The following THSD7B variants were observed in gnomAD, a reference collection of about 807,000 sequenced individuals.
The protein encoded by THSD7B is thrombospondin type 1 domain containing 7B, also known as thrombospondin type-1 domain-containing protein 7B.
THSD7B carries 138 observed loss-of-function variants against 213.6 expected under a neutral mutation model. That is an observed-to-expected ratio of 0.65 (90% CI 0.56 to 0.74). THSD7B has a LOEUF of 0.74. Ranked by LOEUF, THSD7B falls within the 30% of genes least tolerant of loss-of-function variation. THSD7B has a pLI of 0.00. For missense variants in THSD7B, 1,931 were observed against 1,991.5 expected (o/e 0.97, Z 0.58); for synonymous variants, 742 against 687.0 (o/e 1.08, Z -1.25).
At chr2:136,842,307 A>G (rs557930185) in intron 1 of THSD7B, among the ~76,000 whole-genome samples, 3 of 152,348 alleles carry the variant, frequency 2.0e-5, no homozygotes, top group African/African-American at 4.8e-5. Flanking sequence ...AAGTACTAAC[A>G]GTGTGAAACA....
chr2:137,114,071 A>T (rs1350501218), intron 4 of THSD7B, among the ~76,000 whole-genome samples: 1 of 152,132 alleles, frequency 6.6e-6, no homozygotes, highest in African/African-American at 2.4e-5. Context: ...ACTTGATTTC[A>T]ATTTTACTCT....
intron 10 of THSD7B, among the ~76,000 whole-genome samples, chr2:137,259,517 A>G (rs2105081069): frequency 6.6e-6 from 1 of 152,146 alleles, no homozygotes; most frequent in East Asian, 1.9e-4. Context: ...TCCTTTGCCC[A>G]CTTTTTGACG....
chr2:137,074,592 G>A (rs1172646036), intron 3 of THSD7B, among the ~76,000 whole-genome samples: 2 of 152,192 alleles, frequency 1.3e-5, no homozygotes, highest in Non-Finnish European at 2.9e-5. Flanking sequence ...TACATTTAAA[G>A]TTAATATTGT....
intron 2 of THSD7B, among the ~76,000 whole-genome samples, chr2:136,933,758 T>TCTA (rs1270721452): frequency 6.6e-6 from 1 of 152,200 alleles, no homozygotes; most frequent in Admixed American, 6.6e-5. Context: ...AGATGTTAAG[T>TCTA]CTACTATATT....
chr2:136,901,165 A>G (rs772817547), intron 2 of THSD7B, among the ~76,000 whole-genome samples: 17 of 152,128 alleles, frequency 1.1e-4, no homozygotes, highest in Non-Finnish European at 2.1e-4. Flanking sequence ...CTTAAATCTT[A>G]AGTTTCTGAT....
intron 5 of THSD7B, among the ~76,000 whole-genome samples, chr2:137,142,185 T>G (rs1679600385): frequency 6.6e-6 from 1 of 152,162 alleles, no homozygotes; most frequent in African/African-American, 2.4e-5. Flanking sequence ...TGACTCACAT[T>G]TCTGGAGACT....
At chr2:136,946,623 C>T (rs1322004857) in intron 2 of THSD7B, among the ~76,000 whole-genome samples, 1 of 152,176 alleles carries the variant, frequency 6.6e-6, no homozygotes, top group Non-Finnish European at 1.5e-5. Context: ...CTTTGCTGTG[C>T]TGTGGTTGGC....
intron 15 of THSD7B, among the ~76,000 whole-genome samples, chr2:137,485,907 T>A (rs1408477355): frequency 6.6e-6 from 1 of 152,050 alleles, no homozygotes; most frequent in South Asian, 2.1e-4. Context: ...GCTTCATAAG[T>A]GAAGGAGAAA....
intron 12 of THSD7B, among the ~76,000 whole-genome samples, chr2:137,292,417 A>T (rs1683357453): frequency 6.6e-6 from 1 of 152,138 alleles, no homozygotes; most frequent in East Asian, 1.9e-4. Context: ...ATTCTGAAAC[A>T]CTTGTGTAGA....
chr2:136,767,311 T>C (rs1681418422), intron 1 of THSD7B, among the ~76,000 whole-genome samples: 1 of 152,194 alleles, frequency 6.6e-6, no homozygotes, highest in East Asian at 1.9e-4. Flanking sequence ...GGCTTCACTT[T>C]GACAGACTGC....
chr2:137,591,736 A>G (rs1318155133), intron 17 of THSD7B, among the ~76,000 whole-genome samples: 4 of 151,824 alleles, frequency 2.6e-5, no homozygotes, highest in Non-Finnish European at 5.9e-5. Flanking sequence ...TGCTTTTATT[A>G]TAGTGTTTTA....
At chr2:137,375,043 A>G (rs1339544377) in intron 12 of THSD7B, among the ~76,000 whole-genome samples, 1 of 152,210 alleles carries the variant, frequency 6.6e-6, no homozygotes, top group Non-Finnish European at 1.5e-5. Flanking sequence ...AATGTGTAGC[A>G]TAACATTTTA....
intron 12 of THSD7B, among the ~76,000 whole-genome samples, chr2:137,328,808 A>G (rs1346460269): frequency 1.3e-5 from 2 of 152,156 alleles, no homozygotes; most frequent in African/African-American, 2.4e-5. Context: ...TGGTTTTATA[A>G]GGGCCCCCTC....
In THSD7B at chr2:136,801,973, G is replaced by A. The variant is rs139275270; in HGVS notation, c.-36+36286G>A. Among the ~76,000 whole-genome samples, 564 of 152,220 alleles carry A rather than the reference G, an allele frequency of 3.7e-3. 7 individuals carry two copies. The highest frequency in any genetic ancestry group is 7.3e-3 in the Admixed American group (111 of 15,266). On this transcript the variant is annotated intron_variant, in intron 1 of 27. Coordinates refer to ENST00000409968, the MANE Select transcript of THSD7B (RefSeq NM_001316349.2). The stretch of plus-strand genomic sequence containing the variant: ...ATGGCTTATGCATATTTAGTGAGCT[G>A]CTTGTATTGAAATGAGTGGCTGTTA...
Position 137,405,793 on chromosome 2 carries a change from G to A in THSD7B, c.2681G>A (p.Arg894Gln), listed in dbSNP as rs747072769. The change falls in exon 13 of 28, where the codon CGG (arginine) becomes CAG (glutamine). Residue 894 changes from arginine (R) to glutamine (Q), a missense_variant. Transcript: ENST00000409968. ...AACTGTGAAGCCACAAAAAGTAGGC[G>A]GCGACAGCTCACAGGTATAGTGTGC... Reference protein sequence around the residue: ...STNCEATKSRRRQLTGKSRKK... With the variant: ...STNCEATKSRQRQLTGKSRKK... The A allele has an allele frequency of 2.1e-5, 34 of 1,611,562 alleles. No individual in the cohort carries two copies. Among genetic ancestry groups the A allele is most frequent in the Middle Eastern group, 1.6e-4 (1 of 6,064 alleles).
At chr2:136,964,389 C>T (rs1015218196) in intron 2 of THSD7B, among the ~76,000 whole-genome samples, 16 of 152,016 alleles carry the variant, frequency 1.1e-4, no homozygotes, top group Non-Finnish European at 1.8e-4. Context: ...TGCACCACTG[C>T]ACTCCAGCCT....
At chr2:137,128,844 G>T (rs577362737) in intron 5 of THSD7B, among the ~76,000 whole-genome samples, 127 of 152,282 alleles carry the variant, frequency 8.3e-4, no homozygotes, top group Non-Finnish European at 7.2e-4. Flanking sequence ...AGTTTCAGAG[G>T]TTGGAAAGCA....
intron 10 of THSD7B, among the ~76,000 whole-genome samples, chr2:137,270,079 T>C (rs1040791713): frequency 6.6e-6 from 1 of 152,170 alleles, no homozygotes; most frequent in African/African-American, 2.4e-5. Flanking sequence ...TTTAGTGGAA[T>C]GAAAGAAAAG....
chr2:136,844,674 G>A (rs1682978779), intron 1 of THSD7B, among the ~76,000 whole-genome samples: 1 of 152,222 alleles, frequency 6.6e-6, no homozygotes, highest in Non-Finnish European at 1.5e-5. Flanking sequence ...TGGAGATGGA[G>A]ATGAGCTCTC....
Sources: allele counts gnomAD v4.1 joint callset (sites outside exome capture counted in the v4.1 genomes callset), GRCh38; gene constraint gnomAD v4.1.1; transcripts MANE v1.5; gene names NCBI Gene and HGNC (gene_info 2026-07-23, HGNC 2026-07-21).